Variants in TMEM256 observed in about 807,000 individuals in gnomAD.
The protein encoded by TMEM256 is UPF0451 protein C17orf61.
TMEM256 carries 14 observed loss-of-function variants against 14.8 expected under a neutral mutation model. The ratio of observed to expected loss-of-function variants is 0.95; its 90% CI spans 0.63 to 1.48. The LOEUF is 1.48. Ranked by LOEUF, TMEM256 falls within the 40% of genes most tolerant of loss-of-function variation. The pLI is 0.00. For missense variants in TMEM256, 146 were observed against 137.9 expected, an observed-to-expected ratio of 1.06 and a Z score of -0.30; for synonymous variants, 68 against 60.7, an observed-to-expected ratio of 1.12 and a Z score of -0.56.
rs56134360 is a variant in TMEM256, at chr17:7,403,784, A to ACCCC, written c.86-99_86-96dup. 2,141 of 1,029,732 alleles carry ACCCC rather than the reference A, an allele frequency of 2.1e-3. 16 individuals carry two copies. The highest frequency in any genetic ancestry group is 6.2e-3 in the African/African-American group (269 of 43,568). 63.8% of individuals were successfully genotyped at this position (1,029,732 alleles called of 1,614,324 possible). A position where few individuals can be genotyped will look rare whatever the true frequency, so the allele number is the denominator to read the frequency against. ...CAGGTGGACATTGGCGAGAAAGGGC[A>ACCCC]CCCCCCCCCCCGCCCCAGGAAGCTT... On this transcript the variant is annotated intron_variant, in intron 1 of 3. Coordinates refer to ENST00000302422, the MANE Select transcript of TMEM256 (RefSeq NM_152766.5).
At chr17:7,403,784 ACCCC>A in intron 1 of TMEM256, 95 bp from the exon 2 acceptor site, 3 of 1,027,208 alleles carry the variant, frequency 2.9e-6, no homozygotes, top group Non-Finnish European at 4.0e-6. Context: ...GAGAAAGGGC[ACCCC>A]CCCCCCCGCC....
Position 7,403,661 on chromosome 17 carries a change from C to T in TMEM256, c.114G>A (p.Lys38=). ...HGAQFPDAYG[K]ELFDKANKHH... ...AGCCCCAGCGCAGTTACTTCACCTC[C>T]TTCCCGTAGGCATCTGGGAATTGGG... is the stretch of plus-strand genomic sequence containing the variant. The change falls in exon 2 of 4, where the codon AAG becomes AAA. Residue 38 remains lysine (K), a synonymous_variant. Coordinates refer to ENST00000302422, the MANE Select transcript of TMEM256 (RefSeq NM_152766.5). The T allele has an allele frequency of 6.2e-7, 1 of 1,614,104 alleles. No homozygotes were observed. The highest frequency in any genetic ancestry group is 1.1e-5 in the South Asian group (1 of 91,086).
Position 7,403,294 on chromosome 17 carries a change from C to A in TMEM256, c.198+16G>T, listed in dbSNP as rs1396120583. 6.2e-7 allele frequency: 1 copy of A among 1,614,080 alleles called. No individual in the cohort carries two copies. Among genetic ancestry groups the A allele is most frequent in the East Asian group, 2.2e-5 (1 of 44,888 alleles). ...TGTGTGGGGCTTGGTCAGGGTTAGGCGCAGGGAAAGATTACCCAGAGTGGC... is the reference window on the plus strand; with the variant it reads ...TGTGTGGGGCTTGGTCAGGGTTAGGAGCAGGGAAAGATTACCCAGAGTGGC... On this transcript the variant is annotated intron_variant, in intron 3 of 3. Transcript: ENST00000302422.
chr17:7,403,150 A>G lies in TMEM256; in HGVS notation c.258T>C (p.Ala86=), dbSNP rs1251783372. Residue 86 remains alanine, a synonymous_variant, in exon 4 of 4, where the codon GCT becomes GCC. Coordinates refer to ENST00000302422, the MANE Select transcript of TMEM256 (RefSeq NM_152766.5). ...TLFCTSFYYQ[A]LSGDPSIQTL... ...TCTGGATGCTGGGGTCTCCACTCAG[A>G]GCCTGGTAGTAAAAGCTGGTGCAGA... 5.6e-6 allele frequency: 9 copies of G among 1,614,070 alleles called. No individual in the cohort carries two copies. In the African/African-American group the frequency reaches 8.0e-5, roughly 14 times the overall value.
chr17:7,403,514 C>T, intron 2 of TMEM256, 124 bp from the exon 3 acceptor site: 1 of 1,506,324 alleles, frequency 6.6e-7, no homozygotes, highest in Non-Finnish European at 9.2e-7. Flanking sequence ...GATCCCAGGC[C>T]TTTGGCTTAC....
intron 2 of TMEM256, 70 bp downstream of exon 2, chr17:7,403,587 TC>T: frequency 6.3e-7 from 1 of 1,591,692 alleles, no homozygotes; most frequent in Non-Finnish European, 8.6e-7. Context: ...CCCGCCCACT[TC>T]CCCCAGGGAC....
chr17:7,403,553 A>C, intron 2 of TMEM256, 105 bp downstream of exon 2: 1 of 1,551,622 alleles, frequency 6.4e-7, no homozygotes, highest in South Asian at 1.1e-5. Flanking sequence ...TGCTCCAGAG[A>C]TCCGCGGCTC....
chr17:7,402,985 T>C lies in TMEM256; in HGVS notation c.*81A>G. ...ACAAAGACTCCAAAGTTTATTTGCC[T>C]TTCCTTTTTAATCCTCTTCTTACTC... On this transcript the variant is annotated 3_prime_UTR_variant, in exon 4 of 4. Transcript: ENST00000302422. The C allele has an allele frequency of 6.6e-7, 1 of 1,522,928 alleles. No individual in the cohort carries two copies. Among genetic ancestry groups the C allele is most frequent in the Non-Finnish European group, 8.8e-7 (1 of 1,138,260 alleles). The allele number at this position is 1,522,928 out of a possible 1,614,324, so 94.3% of individuals were successfully genotyped here. A position where few individuals can be genotyped will look rare whatever the true frequency, so the allele number is the denominator to read the frequency against.
rs771015093 is a variant in TMEM256, at chr17:7,404,042, A to T, written c.43T>A (p.Ser15Thr). 2.5e-6 allele frequency: 4 copies of T among 1,602,376 alleles called. No homozygotes were observed. The highest frequency in any genetic ancestry group is 1.1e-5 in the South Asian group (1 of 89,058). ...GCGAAGCCTAAGGCCGCAGCTCCGG[A>T]CAAGGCGCCCAAGCGGCGGAAAGCT... ...AAAFRRLGAL[S>T]GAAALGFASY... Residue 15 changes from serine to threonine, a missense_variant, in exon 1 of 4, where the codon TCC becomes ACC. Ser to Thr is a moderately conservative substitution (Grantham distance 58). Coordinates refer to ENST00000302422, the MANE Select transcript of TMEM256 (RefSeq NM_152766.5).
At position 7,403,705 on chromosome 17, in the gene TMEM256, G is replaced by GC; in HGVS notation, c.86-17dup. The stretch of plus-strand genomic sequence containing the variant: ...AATTGGGCGCCTGTGGAGAAAAGAA[G>GC]CAAAGGTTAGCGGTCCTAGTGCCAG... On this transcript the variant is annotated splice_polypyrimidine_tract_variant and intron_variant, in intron 1 of 3. Transcript: ENST00000302422. The GC allele has an allele frequency of 6.2e-7, 1 of 1,611,272 alleles. No individual in the cohort carries two copies. The highest frequency in any genetic ancestry group is 2.2e-5 in the East Asian group (1 of 44,626).
rs200714010 is a variant in TMEM256, at chr17:7,403,019, T to TA, written c.*46dup. 0.042 allele frequency: 41,662 copies of TA among 981,164 alleles called. 52 individuals are homozygous for TA. The highest frequency in any genetic ancestry group is 0.066 in the African/African-American group (3,902 of 59,014). 60.8% of individuals were successfully genotyped at this position (981,164 alleles called of 1,614,324 possible). A position where few individuals can be genotyped will look rare whatever the true frequency, so the allele number is the denominator to read the frequency against. On this transcript the variant is annotated 3_prime_UTR_variant, in exon 4 of 4. Coordinates refer to ENST00000302422, the MANE Select transcript of TMEM256 (RefSeq NM_152766.5). Reference sequence around the variant, plus strand: ...TAATCCTCTTCTTACTCCAACTCTTTAAAAAAAAAACTGCCCAGAAAACCC... The same window carrying TA: ...TAATCCTCTTCTTACTCCAACTCTTTAAAAAAAAAAACTGCCCAGAAAACCC...
chr17:7,403,256 G>A (rs1353890431), intron 3 of TMEM256, 47 bp from the exon 4 acceptor site: 1 of 1,614,106 alleles, frequency 6.2e-7, no homozygotes, highest in Non-Finnish European at 8.5e-7. Context: ...GAACAGGGCA[G>A]GCTGAGAGGG....
chr17:7,403,985 C>T lies in TMEM256; in HGVS notation c.85+15G>A, dbSNP rs762305377. On this transcript the variant is annotated intron_variant, in intron 1 of 3. Coordinates refer to ENST00000302422, the MANE Select transcript of TMEM256 (RefSeq NM_152766.5). ...GCCCCAAGTACAGTCCCATCTTCGT[C>T]CCCAGCCCCCTGACCGTGCGCCCCG... The T allele has an allele frequency of 5.7e-6, 9 of 1,568,504 alleles. No homozygotes were observed. In the East Asian group the frequency reaches 1.6e-4, roughly 28 times the overall value.
chr17:7,403,786 C>A (rs993391472), intron 1 of TMEM256, 97 bp from the exon 2 acceptor site: 5 of 280,762 alleles, frequency 1.8e-5, no homozygotes, highest in Admixed American at 1.3e-4. Context: ...GAAAGGGCAC[C>A]CCCCCCCCCG....
In TMEM256 at chr17:7,403,784, A is replaced by ACCCCCCCCCCCCC. The variant is rs56134360; in HGVS notation, c.86-96_86-95insGGGGGGGGGGGGG. The ACCCCCCCCCCCCC allele has an allele frequency of 9.5e-5, 98 of 1,030,752 alleles. 2 individuals are homozygous for ACCCCCCCCCCCCC. Among genetic ancestry groups the ACCCCCCCCCCCCC allele is most frequent in the African/African-American group, 6.0e-4 (26 of 43,566 alleles). 63.9% of individuals were successfully genotyped at this position (1,030,752 alleles called of 1,614,324 possible). A position where few individuals can be genotyped will look rare whatever the true frequency, so the allele number is the denominator to read the frequency against. On this transcript the variant is annotated intron_variant, in intron 1 of 3. Coordinates refer to ENST00000302422, the MANE Select transcript of TMEM256 (RefSeq NM_152766.5). ...CAGGTGGACATTGGCGAGAAAGGGC[A>ACCCCCCCCCCCCC]CCCCCCCCCCCGCCCCAGGAAGCTT... is the stretch of plus-strand genomic sequence containing the variant.
chr17:7,403,516 T>C, intron 2 of TMEM256, 126 bp from the exon 3 acceptor site: 1 of 1,503,764 alleles, frequency 6.6e-7, no homozygotes. Flanking sequence ...TCCCAGGCCT[T>C]TGGCTTACAG....
intron 2 of TMEM256, 83 bp downstream of exon 2, chr17:7,403,574 CT>C: frequency 2.0e-6 from 3 of 1,487,178 alleles, no homozygotes; most frequent in Non-Finnish European, 2.8e-6. Flanking sequence ...GCCCCACCCT[CT>C]CCCCGCCCAC....
At chr17:7,403,620 G>A (rs1448937952) in intron 2 of TMEM256, 38 bp downstream of exon 2, 4 of 1,610,728 alleles carry the variant, frequency 2.5e-6, no homozygotes, top group Admixed American at 1.7e-5. Context: ...TGCCTTCGTA[G>A]ACCCACGAGT....
At chr17:7,403,279 T>C (rs1906411915) in intron 3 of TMEM256, 31 bp downstream of exon 3, 1 of 1,609,006 alleles carries the variant, frequency 6.2e-7, no homozygotes, top group South Asian at 1.1e-5. Flanking sequence ...TGTGTGGGGC[T>C]TGGTCAGGGT....
Sources: allele counts gnomAD v4.1 joint callset, GRCh38; gene constraint gnomAD v4.1.1; transcripts MANE v1.5; gene names NCBI Gene and HGNC (gene_info 2026-07-23, HGNC 2026-07-21).